The following SRPK2 variants were observed in gnomAD, a reference collection of about 807,000 sequenced individuals.
SRPK2 encodes SRSF protein kinase 2, also known as SFRS protein kinase 2.
In SRPK2, 21 loss-of-function variants were observed where a neutral mutation model predicts 90.8. That is an observed-to-expected ratio of 0.23 (90% CI 0.16 to 0.33). The LOEUF (loss-of-function observed/expected upper bound fraction) is 0.33. Ranked by LOEUF, SRPK2 falls within the 10% of genes least tolerant of loss-of-function variation. The pLI is 1.00. For synonymous variants in SRPK2, 288 were observed against 311.1 expected (o/e 0.93, Z 0.78); for missense variants, 620 against 869.0 (o/e 0.71, Z 3.60).
chr7:105,305,140 A>T (rs1449068654), intron 2 of SRPK2, among the ~76,000 whole-genome samples: 1 of 152,234 alleles, frequency 6.6e-6, no homozygotes, highest in Non-Finnish European at 1.5e-5. Context: ...ATGATTATTT[A>T]ACAAAAATCC....
rs139229898 is a variant in SRPK2, at chr7:105,395,412, C to T, written n.153+3744G>A. On this transcript the variant is annotated intron_variant and non_coding_transcript_variant, in intron 1 of 3. Transcript: ENST00000462282. The stretch of plus-strand genomic sequence containing the variant: ...GGGAGTATGGTTCAAGAAGGCCTCA[C>T]CGAGAAGGTAACACTGAATTAAAGA... 1.8e-3 allele frequency among the ~76,000 whole-genome samples: 275 copies of T among 151,866 alleles called. 1 individual carries two copies. Among genetic ancestry groups the T allele is most frequent in the African/African-American group, 6.4e-3 (265 of 41,422 alleles).
In SRPK2 at chr7:105,132,640, C is replaced by T. The variant is rs1010181244; in HGVS notation, c.1752+151G>A. 1.3e-4 allele frequency: 79 copies of T among 622,740 alleles called. No homozygotes were observed. The South Asian group carries it at 1.5e-3, about 12-fold the overall frequency. 38.6% of individuals were successfully genotyped at this position (622,740 alleles called of 1,614,324 possible). On this transcript the variant is annotated intron_variant, in intron 13 of 15. Transcript: ENST00000393651. Reference sequence around the variant, plus strand: ...ATCCTTCCACTTCTTAAGATGCCTGCGGCAGCAACCTTCCCCTCACCCAGC... The same window carrying T: ...ATCCTTCCACTTCTTAAGATGCCTGTGGCAGCAACCTTCCCCTCACCCAGC...
chr7:105,348,758 CCAAT>C (rs1327790573), intron 2 of SRPK2, among the ~76,000 whole-genome samples: 1 of 151,280 alleles, frequency 6.6e-6, no homozygotes, highest in African/African-American at 2.4e-5. Flanking sequence ...CTAGTTCTGC[CCAAT>C]CAGATGATAC....
At position 105,203,760 on chromosome 7, in the gene SRPK2, A is replaced by T. The variant is rs200465335; in HGVS notation, c.97T>A (p.Leu33Ile). 2.5e-5 allele frequency: 40 copies of T among 1,599,756 alleles called. No homozygotes were observed. The East Asian group carries it at 8.8e-4, about 35-fold the overall frequency. ...KKPEPQQKAP[L>I]VPPPPPPPPP... ...GGTGGCGGTGGAGGAGGAGGAACTAAAGGAGCTTTCTGTTGAGGCTCCGGC... is the reference window on the plus strand; with the variant it reads ...GGTGGCGGTGGAGGAGGAGGAACTATAGGAGCTTTCTGTTGAGGCTCCGGC... The change falls in exon 3 of 16, where the codon TTA (leucine) becomes ATA (isoleucine). Residue 33 changes from leucine (L) to isoleucine (I), a missense_variant. Leu to Ile is a conservative substitution (Grantham distance 5). Transcript: ENST00000393651.
chr7:105,316,382 G>A (rs1431576531), intron 2 of SRPK2, among the ~76,000 whole-genome samples: 1 of 152,078 alleles, frequency 6.6e-6, no homozygotes, highest in Non-Finnish European at 1.5e-5. Flanking sequence ...ACTCAATCAA[G>A]ACACTCTCAA....
At chr7:105,253,246 T>C (rs566365973) in intron 2 of SRPK2, among the ~76,000 whole-genome samples, 4 of 152,210 alleles carry the variant, frequency 2.6e-5, no homozygotes, top group Non-Finnish European at 5.9e-5. Context: ...GCTGCCATAA[T>C]ATTCCCACCA....
intron 15 of SRPK2, among the ~76,000 whole-genome samples, chr7:105,125,542 G>A (rs1801065376): frequency 6.6e-6 from 1 of 152,140 alleles, no homozygotes; most frequent in African/African-American, 2.4e-5. Context: ...TATACAGATT[G>A]GTAACTTGGA....
rs189848823 is a variant in SRPK2, at chr7:105,182,203, C to T, written c.230-12938G>A. ...CCAAGATCACACCACTGCACTCCAG[C>T]CTGGGCAACAAGTGCAAGACTCTGT... is the stretch of plus-strand genomic sequence containing the variant. On this transcript the variant is annotated intron_variant, in intron 3 of 15. Transcript: ENST00000393651. Among the ~76,000 whole-genome samples the T allele has an allele frequency of 2.8e-3, 403 of 145,356 alleles. 10 individuals carry two copies. In the East Asian group the frequency reaches 0.058, roughly 21 times the overall value.
chr7:105,380,430 A>G (rs1426057843), intron 2 of SRPK2, among the ~76,000 whole-genome samples: 1 of 152,164 alleles, frequency 6.6e-6, no homozygotes, highest in Non-Finnish European at 1.5e-5. Flanking sequence ...CATGTATGCT[A>G]GGACTCAATT....
chr7:105,181,947 G>A (rs983425571), intron 3 of SRPK2, among the ~76,000 whole-genome samples: 3 of 150,794 alleles, frequency 2.0e-5, no homozygotes, highest in African/African-American at 7.3e-5. Context: ...CAACTGAGAT[G>A]GCCAGGCGCG....
In SRPK2 at chr7:105,297,526, G is replaced by A. The variant is rs1349529664; in HGVS notation, c.71+91122C>T. 8.1e-6 allele frequency: 8 copies of A among 984,530 alleles called. No individual in the cohort carries two copies. In the South Asian group the frequency reaches 3.3e-4, roughly 40 times the overall value. The allele number at this position is 984,530 out of a possible 1,614,324, so 61.0% of individuals were successfully genotyped here. The stretch of plus-strand genomic sequence containing the variant: ...CATCCTACAGCCCATCGCCTTGGTT[G>A]TTCACTCCTATAAAAGATAAGGCAC... On this transcript the variant is annotated intron_variant, in intron 2 of 15. Transcript: ENST00000393651.
chr7:105,378,307 C>T (rs1374965174), intron 2 of SRPK2, among the ~76,000 whole-genome samples: 1 of 152,058 alleles, frequency 6.6e-6, no homozygotes, highest in South Asian at 2.1e-4. Context: ...TAGAAAGATA[C>T]ATAACTTATA....
rs562639512 is a variant in SRPK2 at position 105,214,957 on chromosome 7, A to G, written c.72-11172T>C. Among the ~76,000 whole-genome samples, 12 of 152,360 alleles carry G rather than the reference A, an allele frequency of 7.9e-5. No individual in the cohort carries two copies. In the South Asian group the frequency reaches 2.3e-3, roughly 29 times the overall value. On this transcript the variant is annotated intron_variant, in intron 2 of 15. Coordinates refer to ENST00000393651, the MANE Select transcript of SRPK2 (RefSeq NM_182692.3). ...CAATTTCAAAACTTACTACAAAGCTATAGTAATCAAGACAATGTCGTACTG... is the reference window on the plus strand; with the variant it reads ...CAATTTCAAAACTTACTACAAAGCTGTAGTAATCAAGACAATGTCGTACTG...
At chr7:105,283,496 C>T (rs1297082588) in intron 2 of SRPK2, among the ~76,000 whole-genome samples, 3 of 152,062 alleles carry the variant, frequency 2.0e-5, no homozygotes, top group African/African-American at 7.2e-5. Flanking sequence ...AAACATTATG[C>T]TAAGTGAAAG....
At chr7:105,181,701 A>C (rs1792834529) in intron 3 of SRPK2, among the ~76,000 whole-genome samples, 1 of 152,084 alleles carries the variant, frequency 6.6e-6, no homozygotes, top group Non-Finnish European at 1.5e-5. Context: ...GGAACAACAG[A>C]CACTGGGGCA....
chr7:105,234,084 AT>A (rs1799847102), intron 2 of SRPK2, among the ~76,000 whole-genome samples: 1 of 152,098 alleles, frequency 6.6e-6, no homozygotes, highest in Admixed American at 6.5e-5. Context: ...CTTACATAAA[AT>A]TTAGATCCCT....
intron 3 of SRPK2, among the ~76,000 whole-genome samples, chr7:105,176,241 TC>T (rs1329320755): frequency 6.6e-6 from 1 of 152,190 alleles, no homozygotes; most frequent in Non-Finnish European, 1.5e-5. Context: ...GATGAGCACA[TC>T]AGACACAGAA....
upstream of SRPK2, chr7:105,389,140 G>C (rs868460172): frequency 2.0e-6 from 2 of 1,006,270 alleles, no homozygotes; most frequent in South Asian, 4.1e-5. Context: ...CGCGGCCCGG[G>C]CCTCCGCCTC....
chr7:105,297,381 C>G, intron 2 of SRPK2: 1 of 791,418 alleles, frequency 1.3e-6, no homozygotes, highest in Non-Finnish European at 1.5e-6. Flanking sequence ...AGGTAGAATA[C>G]AGCTATCACG....
Sources: allele counts gnomAD v4.1 joint callset (sites outside exome capture counted in the v4.1 genomes callset), GRCh38; gene constraint gnomAD v4.1.1; transcripts MANE v1.5; gene names NCBI Gene and HGNC (gene_info 2026-07-23, HGNC 2026-07-21).